Variants in CMTM7 observed in about 807,000 individuals in gnomAD.
The protein encoded by CMTM7 is CKLF-like MARVEL transmembrane domain-containing protein 7.
Under a neutral mutation model 19.3 loss-of-function variants are expected in CMTM7, and 7 were observed. That is an observed-to-expected ratio of 0.36 (90% CI 0.21 to 0.68). The LOEUF is 0.68. Among genes scored for constraint, CMTM7 ranks in the 30% least tolerant of loss-of-function variants. CMTM7 has a pLI of 0.60. For synonymous variants in CMTM7, 87 were observed against 99.3 expected (o/e 0.88, Z 0.74); for missense variants, 193 against 232.6 (o/e 0.83, Z 1.11).
intron 3 of CMTM7, 112 bp from the exon 4 acceptor site, chr3:32,452,280 C>T: frequency 6.3e-7 from 1 of 1,593,408 alleles, no homozygotes; most frequent in African/African-American, 1.3e-5. Context: ...CTCCAAGCTC[C>T]TTTCTGGCCA....
At chr3:32,398,231 T>C (rs1373017776) in intron 1 of CMTM7, among the ~76,000 whole-genome samples, 1 of 152,240 alleles carries the variant, frequency 6.6e-6, no homozygotes, top group African/African-American at 2.4e-5. Context: ...TCTTACGCTA[T>C]GTGAAATACA....
intron 1 of CMTM7, among the ~76,000 whole-genome samples, chr3:32,411,764 G>GT (rs1696178304): frequency 6.6e-6 from 1 of 152,244 alleles, no homozygotes; most frequent in African/African-American, 2.4e-5. Context: ...CTACACAACT[G>GT]TTTTTCCAGT....
intron 1 of CMTM7, among the ~76,000 whole-genome samples, chr3:32,431,689 G>A (rs1401116760): frequency 3.3e-5 from 5 of 152,214 alleles, no homozygotes; most frequent in Non-Finnish European, 7.3e-5. Flanking sequence ...TAGGAACAAG[G>A]ACTCTGCAGC....
At chr3:32,409,908 G>T (rs1335572822) in intron 1 of CMTM7, among the ~76,000 whole-genome samples, 1 of 152,250 alleles carries the variant, frequency 6.6e-6, no homozygotes, top group Admixed American at 6.5e-5. Flanking sequence ...CCTTAGCTCA[G>T]ATGTCACCTC....
At chr3:32,400,396 C>CT (rs1695983850) in intron 1 of CMTM7, among the ~76,000 whole-genome samples, 1 of 61,832 alleles carries the variant, frequency 1.6e-5, no homozygotes, top group Non-Finnish European at 3.5e-5. Flanking sequence ...TTTTCTTCTT[C>CT]TTCTTTTTTT....
intron 1 of CMTM7, among the ~76,000 whole-genome samples, chr3:32,408,621 A>G (rs1196336558): frequency 6.6e-6 from 1 of 152,244 alleles, no homozygotes. Context: ...AAAGATGGAA[A>G]GGACGTTCCA....
At chr3:32,426,893 TA>T (rs1300741192) in intron 1 of CMTM7, among the ~76,000 whole-genome samples, 5 of 152,226 alleles carry the variant, frequency 3.3e-5, no homozygotes, top group African/African-American at 1.2e-4. Flanking sequence ...CATCAACCCT[TA>T]AATGTTAGTA....
At chr3:32,439,296 C>G (rs1003986798) in intron 1 of CMTM7, among the ~76,000 whole-genome samples, 1 of 152,224 alleles carries the variant, frequency 6.6e-6, no homozygotes, top group Non-Finnish European at 1.5e-5. Context: ...AGAGCACTCT[C>G]CATACCTGCT....
chr3:32,410,134 T>C (rs904922044), intron 1 of CMTM7, among the ~76,000 whole-genome samples: 7 of 152,160 alleles, frequency 4.6e-5, no homozygotes. Flanking sequence ...TCAGCTAAAG[T>C]AGTCCCCTGC....
intron 1 of CMTM7, among the ~76,000 whole-genome samples, chr3:32,433,836 T>C (rs553607979): frequency 6.6e-5 from 10 of 152,228 alleles, no homozygotes; most frequent in African/African-American, 2.2e-4. Context: ...ATACAATCGA[T>C]TGACTGATTG....
intron 1 of CMTM7, among the ~76,000 whole-genome samples, chr3:32,414,479 C>G (rs682100): frequency 0.42 from 63,846 of 151,994 alleles, 13,685 homozygotes; most frequent in South Asian, 0.48. Flanking sequence ...CACAGACCAT[C>G]TGCCCCTGAA....
At chr3:32,399,090 C>T (rs1301574838) in intron 1 of CMTM7, among the ~76,000 whole-genome samples, 1 of 152,048 alleles carries the variant, frequency 6.6e-6, no homozygotes, top group African/African-American at 2.4e-5. Context: ...GGGGATGAGA[C>T]TGGAGGTATG....
At chr3:32,441,767 T>A in intron 1 of CMTM7, 73 bp from the exon 2 acceptor site, 1 of 1,341,310 alleles carries the variant, frequency 7.5e-7, no homozygotes, top group East Asian at 2.3e-5. Context: ...GATGCTTGGT[T>A]GTTTTCCGTT....
At chr3:32,407,477 C>G (rs9841130) in intron 1 of CMTM7, among the ~76,000 whole-genome samples, 2 of 152,074 alleles carry the variant, frequency 1.3e-5, no homozygotes, top group Non-Finnish European at 2.9e-5. Flanking sequence ...ACAAATAACT[C>G]GACCACATCT....
intron 4 of CMTM7, among the ~76,000 whole-genome samples, 168 bp from the exon 5 acceptor site, chr3:32,454,073 T>G (rs536608859): frequency 2.0e-5 from 3 of 152,080 alleles, no homozygotes; most frequent in Non-Finnish European, 4.4e-5. Flanking sequence ...GTTTTTTCCT[T>G]GTTTGGAAAT....
In CMTM7 at chr3:32,454,035, G is replaced by A. The variant is rs370999899; in HGVS notation, c.515-206G>A. 2.4e-4 allele frequency among the ~76,000 whole-genome samples: 36 copies of A among 152,280 alleles called. No individual in the cohort carries two copies. The East Asian group carries it at 5.6e-3, about 24-fold the overall frequency. On this transcript the variant is annotated intron_variant, in intron 4 of 4. Coordinates refer to ENST00000334983, the MANE Select transcript of CMTM7 (RefSeq NM_138410.4). ...AGTAAGACTGAGGTCGGGGGAGTGCGGATGGGAGTCACCTCTGCACTACCG... is the reference window on the plus strand; with the variant it reads ...AGTAAGACTGAGGTCGGGGGAGTGCAGATGGGAGTCACCTCTGCACTACCG...
In CMTM7 at chr3:32,435,631, G is replaced by A. The variant is rs970189552; in HGVS notation, c.160-6209G>A. Among the ~76,000 whole-genome samples, 6 of 152,240 alleles carry A rather than the reference G, an allele frequency of 3.9e-5. 1 individual carries two copies. The highest frequency in any genetic ancestry group is 6.8e-3 in the Middle Eastern group (2 of 294). On this transcript the variant is annotated intron_variant, in intron 1 of 4. Coordinates refer to ENST00000334983, the MANE Select transcript of CMTM7 (RefSeq NM_138410.4). ...GGCAGTGGGTAAAGGCTGGCATCTC[G>A]TAGGTAAAGGCCAGGATGCTGTGAT...
chr3:32,452,062 C>T (rs1252586677), intron 3 of CMTM7: 1 of 1,362,018 alleles, frequency 7.3e-7, no homozygotes, highest in Non-Finnish European at 9.6e-7. Flanking sequence ...CTCTTTTGGT[C>T]CAGGATAATC....
At chr3:32,421,783 T>A (rs755211544) in intron 1 of CMTM7, among the ~76,000 whole-genome samples, 1 of 152,202 alleles carries the variant, frequency 6.6e-6, no homozygotes, top group African/African-American at 2.4e-5. Flanking sequence ...ATCCTATTTG[T>A]TCCTCCCAAG....
Sources: allele counts gnomAD v4.1 joint callset (sites outside exome capture counted in the v4.1 genomes callset), GRCh38; gene constraint gnomAD v4.1.1; transcripts MANE v1.5; gene names NCBI Gene and HGNC (gene_info 2026-07-23, HGNC 2026-07-21).